The following SPIDR variants were observed in gnomAD, a reference collection of about 807,000 sequenced individuals.
SPIDR encodes scaffold protein involved in DNA repair.
SPIDR carries 93 observed loss-of-function variants against 104.6 expected under a neutral mutation model. The ratio of observed to expected loss-of-function variants is 0.89; its 90% CI spans 0.75 to 1.06. The LOEUF is 1.06. Among genes scored for constraint, SPIDR ranks in the 50% least tolerant of loss-of-function variants. SPIDR has a pLI of 0.00. For synonymous variants in SPIDR, 431 were observed against 416.9 expected (o/e 1.03, Z -0.41); for missense variants, 1,154 against 1,111.2 (o/e 1.04, Z -0.55).
Position 47,735,776 on chromosome 8 carries a change from A to G in SPIDR, c.*326A>G. 3.9e-6 allele frequency: 2 copies of G among 507,012 alleles called. No individual in the cohort carries two copies. Among genetic ancestry groups the G allele is most frequent in the South Asian group, 4.7e-5 (2 of 42,574 alleles). 31.4% of individuals were successfully genotyped at this position (507,012 alleles called of 1,614,324 possible). On this transcript the variant is annotated 3_prime_UTR_variant, in exon 20 of 20. Coordinates refer to ENST00000297423, the MANE Select transcript of SPIDR (RefSeq NM_001080394.4). ...TTTTTTTTGTTCATTTGTAATTTTA[A>G]CAAGTTGAACATTTTACCATGATTG...
intron 11 of SPIDR, among the ~76,000 whole-genome samples, chr8:47,695,146 GAAA>G: frequency 6.6e-6 from 1 of 152,146 alleles, no homozygotes; most frequent in South Asian, 2.1e-4. Context: ...AAGTGAGAAA[GAAA>G]AATAAAGACT....
intron 11 of SPIDR, among the ~76,000 whole-genome samples, chr8:47,687,521 T>A (rs1323626625): frequency 1.3e-5 from 2 of 152,244 alleles, no homozygotes; most frequent in African/African-American, 4.8e-5. Context: ...CTGTATGTAT[T>A]GAGCTTATAT....
intron 5 of SPIDR, among the ~76,000 whole-genome samples, chr8:47,343,293 A>G (rs1178350040): frequency 6.6e-6 from 1 of 152,172 alleles, no homozygotes; most frequent in African/African-American, 2.4e-5. Flanking sequence ...CTTTTGTGTT[A>G]GGGGAGAGAC....
chr8:47,496,511 G>A (rs1398758048), intron 8 of SPIDR, among the ~76,000 whole-genome samples: 1 of 152,070 alleles, frequency 6.6e-6, no homozygotes, highest in Non-Finnish European at 1.5e-5. Context: ...AGTTTCAAGT[G>A]GTAAAGCAAC....
In SPIDR at chr8:47,683,219, T is replaced by G. The variant is rs143786268; in HGVS notation, c.1685+9278T>G. Among the ~76,000 whole-genome samples the G allele has an allele frequency of 2.0e-5, 3 of 152,376 alleles. No homozygotes were observed. In the East Asian group the frequency reaches 5.8e-4, roughly 29 times the overall value. ...AAAATAAGCTCACATTATTGTCAAT[T>G]AGATAAAAGTTCTGCTTTGACTACA... On this transcript the variant is annotated intron_variant, in intron 11 of 19. Transcript: ENST00000297423.
chr8:47,285,611 T>C (rs2038687200), intron 3 of SPIDR, among the ~76,000 whole-genome samples: 1 of 152,230 alleles, frequency 6.6e-6, no homozygotes, highest in African/African-American at 2.4e-5. Context: ...ATGATTGCCT[T>C]CTTCCTCTCT....
At chr8:47,583,629 G>A (rs1228423690) in intron 8 of SPIDR, among the ~76,000 whole-genome samples, 3 of 152,144 alleles carry the variant, frequency 2.0e-5, no homozygotes, top group South Asian at 2.1e-4. Flanking sequence ...AGATAGCACT[G>A]GTACTATAGA....
chr8:47,662,383 GTTC>G (rs1280732121), intron 10 of SPIDR, among the ~76,000 whole-genome samples: 1 of 152,182 alleles, frequency 6.6e-6, no homozygotes, highest in Non-Finnish European at 1.5e-5. Context: ...AAGTCTTCCA[GTTC>G]TTAATTTTAG....
chr8:47,623,503 CAG>C (rs1755680287), intron 10 of SPIDR, among the ~76,000 whole-genome samples: 1 of 152,128 alleles, frequency 6.6e-6, no homozygotes, highest in Non-Finnish European at 1.5e-5. Flanking sequence ...ATCTCACGTG[CAG>C]AGACACATAT....
chr8:47,558,079 T>G (rs534207200), intron 8 of SPIDR, among the ~76,000 whole-genome samples: 2 of 152,298 alleles, frequency 1.3e-5, no homozygotes, highest in East Asian at 1.9e-4. Flanking sequence ...ATTTAATCAC[T>G]TGTTAGTAGA....
chr8:47,407,708 G>A (rs566405104), intron 6 of SPIDR, among the ~76,000 whole-genome samples, 153 bp from the exon 7 acceptor site: 1 of 152,274 alleles, frequency 6.6e-6, no homozygotes, highest in African/African-American at 2.4e-5. Context: ...TGAGGATATG[G>A]CCTCTGGGAA....
At chr8:47,730,379 G>A (rs557975100) in intron 19 of SPIDR, among the ~76,000 whole-genome samples, 39 of 152,350 alleles carry the variant, frequency 2.6e-4, no homozygotes, top group African/African-American at 9.1e-4. Flanking sequence ...AATAGCCACA[G>A]AAGGGGACCA....
At chr8:47,319,668 A>T (rs541431150) in intron 5 of SPIDR, among the ~76,000 whole-genome samples, 5 of 152,312 alleles carry the variant, frequency 3.3e-5, no homozygotes, top group Non-Finnish European at 7.4e-5. Flanking sequence ...CACCGCACTT[A>T]TTCCAAAATT....
chr8:47,328,219 G>T (rs1235952884), intron 5 of SPIDR, among the ~76,000 whole-genome samples: 2 of 151,410 alleles, frequency 1.3e-5, no homozygotes, highest in Non-Finnish European at 2.9e-5. Flanking sequence ...GATGTATTTT[G>T]AATTAATTTT....
chr8:47,655,093 A>C (rs1320470570), intron 10 of SPIDR, among the ~76,000 whole-genome samples: 1 of 152,220 alleles, frequency 6.6e-6, no homozygotes, highest in East Asian at 1.9e-4. Flanking sequence ...TCCATGGTGT[A>C]TATGTGCCAC....
At chr8:47,521,972 T>C (rs916504250) in intron 8 of SPIDR, among the ~76,000 whole-genome samples, 10 of 151,424 alleles carry the variant, frequency 6.6e-5, no homozygotes, top group African/African-American at 1.9e-4. Flanking sequence ...GAGACCAGCC[T>C]GGCCAACATG....
intron 11 of SPIDR, among the ~76,000 whole-genome samples, chr8:47,675,299 G>A (rs986790136): frequency 3.9e-5 from 6 of 152,134 alleles, no homozygotes; most frequent in Non-Finnish European, 7.3e-5. Flanking sequence ...GCCTCCCAAA[G>A]TGCTGGGATT....
At chr8:47,458,323 GTATT>G (rs1311444565) in intron 8 of SPIDR, among the ~76,000 whole-genome samples, 16 of 112,216 alleles carry the variant, frequency 1.4e-4, no homozygotes, top group South Asian at 3.3e-4. Flanking sequence ...ATATTCCTAA[GTATT>G]TTATTTTATT....
At chr8:47,289,637 C>T (rs2039534126) in intron 3 of SPIDR, among the ~76,000 whole-genome samples, 1 of 152,108 alleles carries the variant, frequency 6.6e-6, no homozygotes, top group Non-Finnish European at 1.5e-5. Flanking sequence ...TGTGGAGAGA[C>T]TGGATCACCA....
Sources: gnomAD v4.1 joint callset for allele counts (sites outside exome capture counted in the v4.1 genomes callset) on GRCh38, gnomAD v4.1.1 for gene constraint, MANE v1.5 for transcripts, NCBI Gene and HGNC (gene_info 2026-07-23, HGNC 2026-07-21) for gene names.